The following DLC1 variants were observed in gnomAD, a reference collection of about 807,000 sequenced individuals.
DLC1 encodes the protein rho GTPase-activating protein 7.
DLC1 carries 54 observed loss-of-function variants against 140.3 expected under a neutral mutation model. The ratio of observed to expected loss-of-function variants is 0.38; its 90% CI spans 0.31 to 0.48. DLC1 has a LOEUF of 0.48. DLC1 is among the 20% of genes least tolerant of loss of function. The pLI is 0.96. For missense variants in DLC1, 2,536 were observed against 1,907.0 expected (o/e 1.33, Z -6.14); for synonymous variants, 986 against 728.1 (o/e 1.35, Z -5.70).
chr8:13,178,380 C>G (rs113941478), intron 5 of DLC1, among the ~76,000 whole-genome samples: 36,538 of 151,782 alleles, frequency 0.24, 5,834 homozygotes, highest in African/African-American at 0.45. Flanking sequence ...GGCCAACACA[C>G]TGAAACTCCG....
At chr8:13,312,383 A>AT (rs1208765059) in intron 4 of DLC1, among the ~76,000 whole-genome samples, 14 of 94,020 alleles carry the variant, frequency 1.5e-4, no homozygotes, top group African/African-American at 5.1e-4. Flanking sequence ...AAAAAAAAAA[A>AT]AAAAATAATT....
intron 5 of DLC1, among the ~76,000 whole-genome samples, chr8:13,284,777 C>T (rs978064169): frequency 1.3e-5 from 2 of 151,910 alleles, no homozygotes; most frequent in Non-Finnish European, 2.9e-5. Flanking sequence ...AAGAAAATAC[C>T]ATGCATGATT....
chr8:13,509,811 TC>T (rs397686825), intron 1 of DLC1, among the ~76,000 whole-genome samples: 7 of 152,084 alleles, frequency 4.6e-5, no homozygotes, highest in Admixed American at 2.0e-4. Flanking sequence ...ATAACTTTTT[TC>T]CCCCTGGTGA....
intron 5 of DLC1, among the ~76,000 whole-genome samples, chr8:13,120,996 G>A (rs962020714): frequency 1.3e-5 from 2 of 152,152 alleles, no homozygotes; most frequent in Non-Finnish European, 1.5e-5. Flanking sequence ...TCTACCATTC[G>A]CTCTAGCTTC....
At chr8:13,205,093 T>C (rs1023664120) in intron 5 of DLC1, among the ~76,000 whole-genome samples, 1 of 151,474 alleles carries the variant, frequency 6.6e-6, no homozygotes. Context: ...GTGGTCACAC[T>C]AGGAAAAAAA....
intron 1 of DLC1, among the ~76,000 whole-genome samples, chr8:13,564,332 C>T (rs753003869): frequency 6.6e-5 from 10 of 152,132 alleles, no homozygotes; most frequent in Non-Finnish European, 1.3e-4. Context: ...CGATTCTTTC[C>T]TTCACAAAAA....
intron 4 of DLC1, among the ~76,000 whole-genome samples, chr8:13,376,901 T>G (rs574548466): frequency 3.3e-5 from 5 of 152,284 alleles, no homozygotes; most frequent in African/African-American, 1.2e-4. Context: ...GTGGCTGATT[T>G]CATGGCTATA....
intron 4 of DLC1, among the ~76,000 whole-genome samples, chr8:13,345,104 A>G (rs1453414648): frequency 1.3e-5 from 2 of 152,130 alleles, no homozygotes; most frequent in Admixed American, 1.3e-4. Context: ...TTTGCAGACG[A>G]GGATTGTAAT....
chr8:13,412,244 A>C (rs927370865), intron 2 of DLC1, among the ~76,000 whole-genome samples: 1 of 152,338 alleles, frequency 6.6e-6, no homozygotes, highest in African/African-American at 2.4e-5. Context: ...ATGAATGAGA[A>C]TTAATATTTT....
intron 5 of DLC1, among the ~76,000 whole-genome samples, chr8:13,162,677 C>T (rs182191899): frequency 8.1e-4 from 124 of 152,200 alleles, no homozygotes; most frequent in Middle Eastern, 6.8e-3. Flanking sequence ...GTACAGCTCA[C>T]GAATGTAATC....
At chr8:13,230,143 G>A (rs1314096379) in intron 5 of DLC1, among the ~76,000 whole-genome samples, 1 of 152,190 alleles carries the variant, frequency 6.6e-6, no homozygotes, top group African/African-American at 2.4e-5. Context: ...GCGAGAAACG[G>A]CATTGTCTAA....
intron 4 of DLC1, among the ~76,000 whole-genome samples, chr8:13,316,737 C>A (rs1440725450): frequency 6.6e-6 from 1 of 152,132 alleles, no homozygotes; most frequent in Non-Finnish European, 1.5e-5. Context: ...TCTCTGGGTT[C>A]TTTACTTGCT....
chr8:13,248,384 C>T (rs1829855058), intron 5 of DLC1, among the ~76,000 whole-genome samples: 1 of 102,690 alleles, frequency 9.7e-6, no homozygotes, highest in African/African-American at 4.3e-5. Flanking sequence ...GGAAGAAAGA[C>T]TCTCTGACTC....
At chr8:13,141,281 A>AAAAAAAAAAAAAAAAC (rs1822972624) in intron 5 of DLC1, among the ~76,000 whole-genome samples, 1 of 142,542 alleles carries the variant, frequency 7.0e-6, no homozygotes, top group Non-Finnish European at 1.6e-5. Context: ...AAAAAAAAAA[A>AAAAAAAAAAAAAAAAC]AAAGCCAGCT....
chr8:13,496,990 C>A (rs1316364217), intron 2 of DLC1, among the ~76,000 whole-genome samples: 2 of 151,604 alleles, frequency 1.3e-5, no homozygotes, highest in Non-Finnish European at 2.9e-5. Flanking sequence ...TTAGTAGAGA[C>A]AGGGTTTCAC....
intron 3 of DLC1, among the ~76,000 whole-genome samples, chr8:13,398,153 T>G (rs1267454359): frequency 6.6e-6 from 1 of 151,814 alleles, no homozygotes; most frequent in African/African-American, 2.4e-5. Flanking sequence ...AGACCTTGTC[T>G]CTAAAAAATA....
chr8:13,578,683 T>C (rs1266220077), intron 1 of DLC1, among the ~76,000 whole-genome samples: 1 of 152,174 alleles, frequency 6.6e-6, no homozygotes, highest in Non-Finnish European at 1.5e-5. Context: ...TGCTGGTTTA[T>C]TATAAAGGAT....
chr8:13,109,106 C>A (rs1286508375), intron 7 of DLC1, among the ~76,000 whole-genome samples: 1 of 152,120 alleles, frequency 6.6e-6, no homozygotes, highest in Non-Finnish European at 1.5e-5. Flanking sequence ...CTAAATATCC[C>A]ATCTATCTGC....
intron 5 of DLC1, among the ~76,000 whole-genome samples, chr8:13,258,992 C>A (rs1368515771): frequency 6.6e-6 from 1 of 151,820 alleles, no homozygotes. Flanking sequence ...AAAAAATTAG[C>A]CGTGCGTGGT....
Sources: gnomAD v4.1 joint callset for allele counts (sites outside exome capture counted in the v4.1 genomes callset) on GRCh38, gnomAD v4.1.1 for gene constraint, MANE v1.5 for transcripts, NCBI Gene and HGNC (gene_info 2026-07-23, HGNC 2026-07-21) for gene names.